SEMA3A: variants seen among roughly 807,000 people sequenced by gnomAD.
SEMA3A encodes the protein semaphorin 3A.
In SEMA3A, 29 loss-of-function variants were observed where a neutral mutation model predicts 97.9. That is an observed-to-expected ratio of 0.30 (90% CI 0.22 to 0.40). The LOEUF (loss-of-function observed/expected upper bound fraction) is 0.40. Ranked by LOEUF, SEMA3A falls within the 10% of genes least tolerant of loss-of-function variation. SEMA3A has a pLI of 1.00. For missense variants in SEMA3A, 763 were observed against 951.3 expected (o/e 0.80, Z 2.60); for synonymous variants, 321 against 323.7 (o/e 0.99, Z 0.09).
intron 12 of SEMA3A, among the ~76,000 whole-genome samples, chr7:83,995,658 A>G (rs760541413): frequency 6.6e-6 from 1 of 152,206 alleles, no homozygotes; most frequent in Admixed American, 6.5e-5. Context: ...CTTTATAAGC[A>G]TGTTTTCATG....
At chr7:84,454,066 A>C (rs901913733) in intron 1 of SEMA3A, among the ~76,000 whole-genome samples, 1 of 152,202 alleles carries the variant, frequency 6.6e-6, no homozygotes, top group Non-Finnish European at 1.5e-5. Flanking sequence ...GTACATGGAG[A>C]TGTAATTTGT....
intron 2 of SEMA3A, among the ~76,000 whole-genome samples, chr7:84,345,695 T>G (rs1802282652): frequency 6.6e-6 from 1 of 152,168 alleles, no homozygotes; most frequent in Admixed American, 6.5e-5. Flanking sequence ...TTGCAATAAT[T>G]TAGACACAAC....
At chr7:84,466,393 G>A (rs1476471014) in intron 1 of SEMA3A, among the ~76,000 whole-genome samples, 2 of 152,012 alleles carry the variant, frequency 1.3e-5, no homozygotes, top group Non-Finnish European at 2.9e-5. Flanking sequence ...GGCTGGTCTC[G>A]AACTCCTGAC....
chr7:84,487,405 C>G (rs1423978301), intron 1 of SEMA3A, among the ~76,000 whole-genome samples: 1 of 151,848 alleles, frequency 6.6e-6, no homozygotes, highest in Non-Finnish European at 1.5e-5. Context: ...TAGAAGTGTC[C>G]GCCAGCAATG....
intron 4 of SEMA3A, among the ~76,000 whole-genome samples, chr7:84,101,334 C>A (rs2115900019): frequency 6.6e-6 from 1 of 152,256 alleles, no homozygotes; most frequent in South Asian, 2.1e-4. Context: ...TCCTCCTTTT[C>A]ACTATTCCAG....
intron 12 of SEMA3A, among the ~76,000 whole-genome samples, chr7:84,000,071 G>GACCA (rs1409272157): frequency 6.6e-6 from 1 of 151,872 alleles, no homozygotes; most frequent in African/African-American, 2.4e-5. Flanking sequence ...GACATTTTAG[G>GACCA]TTTTGGCGAT....
rs1444480860 is a variant in SEMA3A at position 84,430,058 on chromosome 7, G to A, written c.-245-58158C>T. Among the ~76,000 whole-genome samples the A allele has an allele frequency of 3.9e-5, 6 of 152,074 alleles. No individual in the cohort carries two copies. In the South Asian group the frequency reaches 1.0e-3, roughly 26 times the overall value. On this transcript the variant is annotated intron_variant, in intron 1 of 3. Transcript: ENST00000424555. ...TCACTCAAAATGTTGAGTAGAGTGG[G>A]TTTGTTTCTTTGTCAATCTAAATGA...
intron 3 of SEMA3A, among the ~76,000 whole-genome samples, chr7:84,126,930 T>C (rs1226689232): frequency 2.0e-5 from 3 of 152,194 alleles, no homozygotes; most frequent in African/African-American, 7.2e-5. Flanking sequence ...GGGTTCTTAC[T>C]TCATTGTGCT....
intron 14 of SEMA3A, among the ~76,000 whole-genome samples, chr7:83,979,498 T>C (rs899130800): frequency 8.5e-5 from 13 of 152,192 alleles, no homozygotes; most frequent in East Asian, 1.9e-4. Context: ...GCATTAACTT[T>C]TAATCTTAAA....
chr7:84,038,486 C>A (rs1421522213), intron 6 of SEMA3A, among the ~76,000 whole-genome samples: 3 of 151,814 alleles, frequency 2.0e-5, no homozygotes. Context: ...TCGTAACAAC[C>A]AAATGAGAGA....
intron 3 of SEMA3A, among the ~76,000 whole-genome samples, chr7:84,218,424 G>A (rs529589803): frequency 1.4e-4 from 21 of 152,044 alleles, no homozygotes; most frequent in South Asian, 6.2e-4. Context: ...TTCTGCATTC[G>A]GATAGATTAA....
intron 15 of SEMA3A, among the ~76,000 whole-genome samples, chr7:83,966,303 T>C (rs1788691803): frequency 6.6e-6 from 1 of 152,212 alleles, no homozygotes; most frequent in African/African-American, 2.4e-5. Context: ...GTGTTTGATT[T>C]AGCAATTATG....
chr7:84,467,527 A>C (rs1351016324), intron 1 of SEMA3A, among the ~76,000 whole-genome samples: 1 of 32,716 alleles, frequency 3.1e-5, no homozygotes, highest in Non-Finnish European at 4.9e-5. Flanking sequence ...ACTCCTTCTA[A>C]AAAAAAAAAA....
chr7:84,218,396 G>T (rs1798799231), intron 3 of SEMA3A, among the ~76,000 whole-genome samples: 1 of 152,052 alleles, frequency 6.6e-6, no homozygotes, highest in Admixed American at 6.5e-5. Context: ...GACTTCCCAT[G>T]AATTACATGA....
intron 2 of SEMA3A, among the ~76,000 whole-genome samples, chr7:84,357,407 T>C (rs1670177102): frequency 6.6e-6 from 1 of 151,968 alleles, no homozygotes; most frequent in Non-Finnish European, 1.5e-5. Context: ...GTCTTTGCGA[T>C]AGTTTGCTGA....
intron 12 of SEMA3A, among the ~76,000 whole-genome samples, chr7:83,991,454 G>A (rs1314814521): frequency 1.3e-5 from 2 of 150,322 alleles, no homozygotes; most frequent in African/African-American, 4.9e-5. Flanking sequence ...TTGGCTGTGG[G>A]TATGTCATAG....
intron 1 of SEMA3A, among the ~76,000 whole-genome samples, chr7:84,424,964 A>AG (rs1804751901): frequency 1.0e-5 from 1 of 100,388 alleles, no homozygotes; most frequent in African/African-American, 4.2e-5. Context: ...TATATATATA[A>AG]TTTATATATT....
chr7:84,186,967 C>G (rs1439881266), intron 1 of SEMA3A, among the ~76,000 whole-genome samples: 1 of 152,114 alleles, frequency 6.6e-6, no homozygotes, highest in African/African-American at 2.4e-5. Context: ...CATCTACTCT[C>G]TTGAGTAAGT....
At chr7:84,377,926 A>G (rs111449248) in intron 1 of SEMA3A, among the ~76,000 whole-genome samples, 2,814 of 152,178 alleles carry the variant, frequency 0.018, 86 homozygotes, top group African/African-American at 0.064. Context: ...ATCAAAATCT[A>G]TTTACCTGAA....
Sources: gnomAD v4.1 joint callset for allele counts (sites outside exome capture counted in the v4.1 genomes callset) on GRCh38, gnomAD v4.1.1 for gene constraint, MANE v1.5 for transcripts, NCBI Gene and HGNC (gene_info 2026-07-23, HGNC 2026-07-21) for gene names.